PEX13: variants seen among roughly 807,000 people sequenced by gnomAD.
PEX13 encodes peroxisome biogenesis factor 13.
In PEX13, 28 loss-of-function variants were observed where a neutral mutation model predicts 34.5. The observed-to-expected ratio is 0.81, with a 90% CI of 0.60 to 1.11. PEX13 has a LOEUF of 1.11. Among genes scored for constraint, PEX13 ranks in the 50% most tolerant of loss-of-function variants. The pLI, the probability that PEX13 is intolerant of heterozygous loss-of-function variation, is 0.00. For synonymous variants in PEX13, 177 were observed against 175.1 expected, an observed-to-expected ratio of 1.01 and a Z score of -0.09; for missense variants, 550 against 491.0, an observed-to-expected ratio of 1.12 and a Z score of -1.13.
At chr2:61,040,841 AAAAAAG>A (rs1680614369) in intron 2 of PEX13, among the ~76,000 whole-genome samples, 1 of 148,020 alleles carries the variant, frequency 6.8e-6, no homozygotes, top group Admixed American at 6.8e-5. Context: ...GTATATATAT[AAAAAAG>A]TATATATATG....
chr2:61,046,796 G>C (rs544796536), intron 3 of PEX13, among the ~76,000 whole-genome samples: 1 of 152,162 alleles, frequency 6.6e-6, no homozygotes, highest in East Asian at 1.9e-4. Context: ...TCTATTTATG[G>C]AAACTTCACC....
intron 2 of PEX13, among the ~76,000 whole-genome samples, chr2:61,039,703 C>T (rs980496527): frequency 3.9e-5 from 6 of 152,112 alleles, no homozygotes; most frequent in Admixed American, 6.6e-5. Context: ...ATGACTAAAA[C>T]ACCAAAAACA....
intron 1 of PEX13, among the ~76,000 whole-genome samples, chr2:61,021,976 C>T (rs1680271941): frequency 6.6e-6 from 1 of 152,166 alleles, no homozygotes; most frequent in Non-Finnish European, 1.5e-5. Context: ...AAAGGAATAG[C>T]TTCAACATCA....
chr2:61,025,376 T>C (rs553970884), intron 1 of PEX13, among the ~76,000 whole-genome samples: 3 of 151,358 alleles, frequency 2.0e-5, no homozygotes, highest in Non-Finnish European at 2.9e-5. Flanking sequence ...TTATTATTAT[T>C]AAGACAGAGT....
intron 1 of PEX13, among the ~76,000 whole-genome samples, chr2:61,026,707 A>T (rs1216043892): frequency 6.6e-6 from 1 of 152,120 alleles, no homozygotes; most frequent in African/African-American, 2.4e-5. Context: ...TTTTTATTTA[A>T]TTTCAATTTT....
In PEX13 at chr2:61,041,492, G is replaced by A. The variant is rs567848878; in HGVS notation, c.788-4234G>A. On this transcript the variant is annotated intron_variant, in intron 2 of 3. Transcript: ENST00000295030. ...GTGGAAGGATGATGAATGATGTAAGGTTCTACAATAAGATCAAGAACTGAG... is the reference window on the plus strand; with the variant it reads ...GTGGAAGGATGATGAATGATGTAAGATTCTACAATAAGATCAAGAACTGAG... 2.0e-5 allele frequency among the ~76,000 whole-genome samples: 3 copies of A among 152,258 alleles called. No homozygotes were observed. The South Asian group carries it at 6.2e-4, about 32-fold the overall frequency.
At chr2:61,047,241 C>T (rs185894506) in intron 3 of PEX13, among the ~76,000 whole-genome samples, 8 of 152,162 alleles carry the variant, frequency 5.3e-5, no homozygotes, top group South Asian at 2.1e-4. Context: ...CTGCAACCTC[C>T]GCCTCCCGGG....
chr2:61,037,512 A>G (rs1559039808), intron 2 of PEX13, among the ~76,000 whole-genome samples: 1 of 152,248 alleles, frequency 6.6e-6, no homozygotes, highest in African/African-American at 2.4e-5. Context: ...CTGTTACTGA[A>G]TGACTACTGG....
intron 1 of PEX13, among the ~76,000 whole-genome samples, chr2:61,019,893 C>G (rs993212398): frequency 6.6e-6 from 1 of 152,242 alleles, no homozygotes; most frequent in Non-Finnish European, 1.5e-5. Context: ...ATTTATGGAT[C>G]AAGTAAGTTT....
chr2:61,023,408 C>T (rs1680297992), intron 1 of PEX13, among the ~76,000 whole-genome samples: 1 of 149,702 alleles, frequency 6.7e-6, no homozygotes, highest in South Asian at 2.1e-4. Flanking sequence ...TACAGACACA[C>T]ACACACACAC....
At chr2:61,034,979 C>G (rs1466875844) in intron 2 of PEX13, among the ~76,000 whole-genome samples, 2 of 152,240 alleles carry the variant, frequency 1.3e-5, no homozygotes, top group African/African-American at 4.8e-5. Flanking sequence ...TCTCTGAGCA[C>G]AGTGTGCGAG....
intron 1 of PEX13, among the ~76,000 whole-genome samples, chr2:61,030,387 T>TTC (rs1349409897): frequency 6.6e-6 from 1 of 152,132 alleles, no homozygotes; most frequent in Non-Finnish European, 1.5e-5. Context: ...ACACTCTGGT[T>TTC]TCTTATTTCA....
At chr2:61,040,603 G>T (rs563113881) in intron 2 of PEX13, among the ~76,000 whole-genome samples, 1 of 152,026 alleles carries the variant, frequency 6.6e-6, no homozygotes, top group Admixed American at 6.6e-5. Context: ...GAGGGGCTTG[G>T]AGATGGGTAG....
At chr2:61,037,289 C>G (rs1187629597) in intron 2 of PEX13, among the ~76,000 whole-genome samples, 1 of 152,172 alleles carries the variant, frequency 6.6e-6, no homozygotes, top group Non-Finnish European at 1.5e-5. Context: ...GTCTACAGAA[C>G]TCTACACCCC....
chr2:61,025,323 T>C (rs1680334090), intron 1 of PEX13, among the ~76,000 whole-genome samples: 2 of 151,350 alleles, frequency 1.3e-5, no homozygotes, highest in Non-Finnish European at 2.9e-5. Flanking sequence ...CCCATAATTT[T>C]GTTATGTAAG....
intron 1 of PEX13, among the ~76,000 whole-genome samples, chr2:61,029,471 C>T (rs931950279): frequency 3.3e-5 from 5 of 152,106 alleles, no homozygotes; most frequent in African/African-American, 1.2e-4. Context: ...TATAACCCAG[C>T]AAACATGTCC....
chr2:61,048,633 A>C lies in PEX13; in HGVS notation c.1075A>C (p.Thr359Pro). 6.2e-7 allele frequency: 1 copy of C among 1,614,140 alleles called. No homozygotes were observed. The highest frequency in any genetic ancestry group is 8.5e-7 in the Non-Finnish European group (1 of 1,179,998). ...SKQQQSFTNPTLTKGATVADS... is the reference protein window; with the variant it reads ...SKQQQSFTNPPLTKGATVADS... The stretch of plus-strand genomic sequence containing the variant: ...GCAGCAACAATCTTTTACCAACCCA[A>C]CACTAACTAAAGGAGCCACGGTTGC... The change falls in exon 4 of 4, where the codon ACA (threonine) becomes CCA (proline). Residue 359 changes from threonine (T) to proline (P), a missense_variant. Thr to Pro is a conservative substitution (Grantham distance 38). Transcript: ENST00000295030.
chr2:61,020,142 C>T (rs550430820), intron 1 of PEX13, among the ~76,000 whole-genome samples: 17 of 152,132 alleles, frequency 1.1e-4, no homozygotes, highest in Non-Finnish European at 2.2e-4. Flanking sequence ...AGGAGAATGG[C>T]GTGAACCCAC....
At chr2:61,026,945 T>C (rs1680367095) in intron 1 of PEX13, among the ~76,000 whole-genome samples, 1 of 152,030 alleles carries the variant, frequency 6.6e-6, no homozygotes, top group South Asian at 2.1e-4. Context: ...CCCTCTTCCA[T>C]GTTCCCCTCT....
Sources: gnomAD v4.1 joint callset for allele counts (sites outside exome capture counted in the v4.1 genomes callset) on GRCh38, gnomAD v4.1.1 for gene constraint, MANE v1.5 for transcripts, NCBI Gene and HGNC (gene_info 2026-07-23, HGNC 2026-07-21) for gene names.